OR1L6: variants seen among roughly 807,000 people sequenced by gnomAD.
OR1L6 encodes olfactory receptor 1L6.
In OR1L6, 2 loss-of-function variants were observed where a neutral mutation model predicts 3.0. The observed-to-expected ratio is 0.68, with a 90% CI of 0.28 to 2.13. The LOEUF is 2.13. Among genes scored for constraint, OR1L6 ranks in the 30% most tolerant of loss-of-function variants. The pLI is 0.14. For missense variants in OR1L6, 304 were observed against 378.4 expected, an observed-to-expected ratio of 0.80 and a Z score of 1.63; for synonymous variants, 121 against 148.4, an observed-to-expected ratio of 0.82 and a Z score of 1.34.
At position 122,750,516 on chromosome 9, in the gene OR1L6, G is replaced by C. The variant is rs10818741; in HGVS notation, c.669G>C (p.Met223Ile). ...TCATCTTCTCCTACCTGCGAATCAT[G>C]GTCACTGTGCTCAGAATCCCCTCTG... ...LCIIFSYLRI[M>I]VTVLRIPSAA... is the part of the protein sequence containing the mutation. Residue 223 changes from methionine to isoleucine, a missense_variant, in exon 2 of 2, where the codon ATG becomes ATC. Met to Ile is a conservative substitution (Grantham distance 10). Coordinates refer to ENST00000304720, the MANE Select transcript of OR1L6 (RefSeq NM_001004453.3). 752,088 of 833,214 alleles carry C rather than the reference G, an allele frequency of 0.9. 359,910 individuals carry two copies. Among genetic ancestry groups the C allele is most frequent in the East Asian group, 1 (39,875 of 39,916 alleles). 51.6% of individuals were successfully genotyped at this position (833,214 alleles called of 1,614,324 possible).
chr9:122,742,789 G>A (rs148545211), intron 1 of OR1L6, among the ~76,000 whole-genome samples: 1 of 152,286 alleles, frequency 6.6e-6, no homozygotes, highest in Non-Finnish European at 1.5e-5. Flanking sequence ...CTGTAAAATG[G>A]AGTTGTTGTA....
At position 122,743,485 on chromosome 9, in the gene OR1L6, C is replaced by A. The variant is rs117040056; in HGVS notation, c.-14+1112C>A. On this transcript the variant is annotated intron_variant, in intron 1 of 1. Transcript: ENST00000304720. ...TTCAGAGAACTGAAAAGAGAAGAAG[C>A]CAGCCTAGAAAGGACCTGCAGAATC... Among the ~76,000 whole-genome samples, 101 of 152,294 alleles carry A rather than the reference C, an allele frequency of 6.6e-4. 1 individual carries two copies. The East Asian group carries it at 0.018, about 26-fold the overall frequency.
Position 122,750,416 on chromosome 9 carries a change from G to A in OR1L6, c.569G>A (p.Cys190Tyr). 1 of 1,605,738 alleles carries A rather than the reference G, an allele frequency of 6.2e-7. No homozygotes were observed. Among genetic ancestry groups the A allele is most frequent in the Non-Finnish European group, 8.5e-7 (1 of 1,174,952 alleles). The change falls in exon 2 of 2, where the codon TGC becomes TAC. Residue 190 changes from cysteine to tyrosine, a missense_variant. Transcript: ENST00000304720. ...ACCCAGCCTGTGCTAAAGCTCTCCTGCTCTGACACATCCTCCAGCCAGATG... is the reference window on the plus strand; with the variant it reads ...ACCCAGCCTGTGCTAAAGCTCTCCTACTCTGACACATCCTCCAGCCAGATG... ...CDTQPVLKLS[C>Y]SDTSSSQMVV...
chr9:122,749,670 T>C (rs1251365662), intron 1 of OR1L6, 165 bp from the exon 2 acceptor site: 3 of 722,936 alleles, frequency 4.1e-6, no homozygotes, highest in Admixed American at 2.3e-5. Flanking sequence ...ATCACGCCAC[T>C]GCACTCCAGT....
In OR1L6 at chr9:122,750,403, C is replaced by CT. The variant is rs1828881766; in HGVS notation, c.557dup (p.Leu188AlafsTer5). 1 of 1,609,706 alleles carries CT rather than the reference C, an allele frequency of 6.2e-7. No individual in the cohort carries two copies. The highest frequency in any genetic ancestry group is 1.3e-5 in the African/African-American group (1 of 74,290). On this transcript the variant is annotated frameshift_variant, in exon 2 of 2. Transcript: ENST00000304720. LOFTEE classifies it high-confidence loss of function. ...CTTTTTCTGTGACACCCAGCCTGTGCTAAAGCTCTCCTGCTCTGACACATC... is the reference window on the plus strand; with the variant it reads ...CTTTTTCTGTGACACCCAGCCTGTGCTTAAAGCTCTCCTGCTCTGACACATC...
At chr9:122,749,753 A>T in intron 1 of OR1L6, 82 bp from the exon 2 acceptor site, 1 of 1,282,524 alleles carries the variant, frequency 7.8e-7, no homozygotes, top group Non-Finnish European at 1.1e-6. Flanking sequence ...AGCTATTTTT[A>T]CAGGCTTAAG....
chr9:122,750,227 T>C lies in OR1L6; in HGVS notation c.380T>C (p.Ile127Thr), dbSNP rs1335727963. 6 of 1,613,990 alleles carry C rather than the reference T, an allele frequency of 3.7e-6. No homozygotes were observed. The Admixed American group carries it at 8.3e-5, about 22-fold the overall frequency. ...ASMAIDRLVA[I>T]CNPLHYDVVM... ...ATGGCCATCGACCGGCTGGTGGCCATCTGCAACCCCTTACACTATGATGTG... is the reference window on the plus strand; with the variant it reads ...ATGGCCATCGACCGGCTGGTGGCCACCTGCAACCCCTTACACTATGATGTG... The change falls in exon 2 of 2, where the codon ATC becomes ACC. Residue 127 changes from isoleucine (I) to threonine (T), a missense_variant. Coordinates refer to ENST00000304720, the MANE Select transcript of OR1L6 (RefSeq NM_001004453.3).
intron 1 of OR1L6, among the ~76,000 whole-genome samples, 177 bp downstream of exon 1, chr9:122,742,550 T>C (rs764764856): frequency 2.0e-5 from 3 of 152,200 alleles, no homozygotes; most frequent in Non-Finnish European, 4.4e-5. Context: ...ATTTGAAATA[T>C]CTACTTTGTT....
At chr9:122,744,233 G>A (rs1323734727) in intron 1 of OR1L6, among the ~76,000 whole-genome samples, 1 of 152,178 alleles carries the variant, frequency 6.6e-6, no homozygotes, top group Admixed American at 6.5e-5. Context: ...GTAGGTGCAT[G>A]GATAACAAGT....
At position 122,750,740 on chromosome 9, in the gene OR1L6, T is replaced by C. The variant is rs766683105; in HGVS notation, c.893T>C (p.Met298Thr). The C allele has an allele frequency of 5.6e-6, 9 of 1,611,372 alleles. No individual in the cohort carries two copies. In the South Asian group the frequency reaches 9.9e-5, roughly 18 times the overall value. Reference sequence around the variant, plus strand: ...ATCTACAGCCTGAGGAACAAAGATATGAAGAGGGGTTTGAAGAAATTACAG... The same window carrying C: ...ATCTACAGCCTGAGGAACAAAGATACGAAGAGGGGTTTGAAGAAATTACAG... ...PFIYSLRNKD[M>T]KRGLKKLQDR... The change falls in exon 2 of 2, where the codon ATG becomes ACG. Residue 298 changes from methionine to threonine, a missense_variant. Met to Thr is a moderately conservative substitution (Grantham distance 81). Transcript: ENST00000304720.
At chr9:122,749,525 G>T (rs1297190172) in intron 1 of OR1L6, among the ~76,000 whole-genome samples, 2 of 152,104 alleles carry the variant, frequency 1.3e-5, no homozygotes, top group African/African-American at 4.8e-5. Context: ...CTGTAACACA[G>T]TGAAACCCCG....
In OR1L6 at chr9:122,750,408, G is replaced by C. The variant is rs917195796; in HGVS notation, c.561G>C (p.Lys187Asn). Reference protein sequence around the residue: ...HFFCDTQPVLKLSCSDTSSSQ... With the variant: ...HFFCDTQPVLNLSCSDTSSSQ... ...TCTGTGACACCCAGCCTGTGCTAAA[G>C]CTCTCCTGCTCTGACACATCCTCCA... The change falls in exon 2 of 2, where the codon AAG becomes AAC. Residue 187 changes from lysine (K) to asparagine (N), a missense_variant. By Grantham distance (94) the Lys-to-Asn change is moderately conservative. Transcript: ENST00000304720. 2.5e-6 allele frequency: 4 copies of C among 1,608,188 alleles called. No homozygotes were observed. In the African/African-American group the frequency reaches 4.0e-5, roughly 16 times the overall value.
At chr9:122,744,087 A>C (rs1010310230) in intron 1 of OR1L6, among the ~76,000 whole-genome samples, 4 of 152,192 alleles carry the variant, frequency 2.6e-5, no homozygotes, top group African/African-American at 9.6e-5. Flanking sequence ...GTAAAGGGCA[A>C]AATAATGGTA....
chr9:122,743,252 G>A (rs1479208535), intron 1 of OR1L6, among the ~76,000 whole-genome samples: 1 of 152,190 alleles, frequency 6.6e-6, no homozygotes, highest in South Asian at 2.1e-4. Context: ...ATTCCCAGGA[G>A]AAGAAAGACA....
At chr9:122,746,128 T>C (rs1340711272) in intron 1 of OR1L6, among the ~76,000 whole-genome samples, 2 of 152,212 alleles carry the variant, frequency 1.3e-5, no homozygotes, top group Non-Finnish European at 1.5e-5. Flanking sequence ...CATTGTTCTC[T>C]ACCTTGTTTT....
At position 122,750,310 on chromosome 9, in the gene OR1L6, C is replaced by T; in HGVS notation, c.463C>T (p.Leu155=). 1 of 1,613,962 alleles carries T rather than the reference C, an allele frequency of 6.2e-7. No homozygotes were observed. The highest frequency in any genetic ancestry group is 8.5e-7 in the Non-Finnish European group (1 of 1,179,988). Residue 155 remains leucine, a synonymous_variant, in exon 2 of 2, where the codon CTA becomes TTA. Coordinates refer to ENST00000304720, the MANE Select transcript of OR1L6 (RefSeq NM_001004453.3). ...ATTGGGTTCTTGCAGCATCTCCCAC[C>T]TACATTCCCTGTTCCGCGTGCTACT... ...MLLGSCSISH[L]HSLFRVLLMS... is the part of the protein sequence containing the mutation.
At chr9:122,743,235 A>G (rs1828806220) in intron 1 of OR1L6, among the ~76,000 whole-genome samples, 1 of 152,188 alleles carries the variant, frequency 6.6e-6, no homozygotes, top group African/African-American at 2.4e-5. Flanking sequence ...CATCCAGAAA[A>G]TCAGTGATTC....
At chr9:122,749,604 A>G in intron 1 of OR1L6, 1 of 552,952 alleles carries the variant, frequency 1.8e-6, no homozygotes, top group Non-Finnish European at 3.3e-6. Flanking sequence ...GCTACTCGGG[A>G]GGCTGAGGCA....
chr9:122,750,300 C>T lies in OR1L6; in HGVS notation c.453C>T (p.Ser151=), dbSNP rs1240296906. The T allele has an allele frequency of 1.2e-6, 2 of 1,613,950 alleles. No homozygotes were observed. Among genetic ancestry groups the T allele is most frequent in the Non-Finnish European group, 8.5e-7 (1 of 1,180,010 alleles). Residue 151 remains serine (S), a synonymous_variant, in exon 2 of 2, where the codon AGC becomes AGT. Transcript: ENST00000304720. ...TGCTCATGCTATTGGGTTCTTGCAGCATCTCCCACCTACATTCCCTGTTCC... is the reference window on the plus strand; with the variant it reads ...TGCTCATGCTATTGGGTTCTTGCAGTATCTCCCACCTACATTCCCTGTTCC... ...HCLLMLLGSC[S]ISHLHSLFRV...
Sources: gnomAD v4.1 joint callset for allele counts (sites outside exome capture counted in the v4.1 genomes callset) on GRCh38, gnomAD v4.1.1 for gene constraint, MANE v1.5 for transcripts, NCBI Gene and HGNC (gene_info 2026-07-23, HGNC 2026-07-21) for gene names.